PYROXD2: variants seen among roughly 807,000 people sequenced by gnomAD.
PYROXD2 encodes pyridine nucleotide-disulfide oxidoreductase domain-containing protein 2.
In PYROXD2, 69 loss-of-function variants were observed where a neutral mutation model predicts 71.1. The ratio of observed to expected loss-of-function variants is 0.97; its 90% CI spans 0.80 to 1.19. The LOEUF (loss-of-function observed/expected upper bound fraction) is 1.19, where lower values mean the gene tolerates loss of function less well. Among genes scored for constraint, PYROXD2 ranks in the 50% most tolerant of loss-of-function variants. The probability of loss-of-function intolerance (pLI) is 0.00; values close to 1 mark genes in which losing one functional copy is unlikely to be tolerated. For synonymous variants in PYROXD2, 287 were observed against 302.7 expected (o/e 0.95, Z 0.54); for missense variants, 745 against 748.9 (o/e 0.99, Z 0.06).
rs761637573 is a variant in PYROXD2, at chr10:98,392,480, C to G, written c.1014G>C (p.Val338=). 2 of 1,613,904 alleles carry G rather than the reference C, an allele frequency of 1.2e-6. No individual in the cohort carries two copies. The highest frequency in any genetic ancestry group is 1.3e-5 in the African/African-American group (1 of 75,030). Residue 338 remains valine, a synonymous_variant, in exon 10 of 16, where the codon GTG becomes GTC. Coordinates refer to ENST00000370575, the MANE Select transcript of PYROXD2 (RefSeq NM_032709.3). ...TGATCTGCGGTGATGTGTTGGACAG[C>G]ACCATTTTGCTTCTCACCTCTGTGC... ...EDGTEVRSKM[V]LSNTSPQITF...
Position 98,393,028 on chromosome 10 carries a change from C to CCCAGGCCCCCTGCATTCCCT in PYROXD2, c.821_840dup (p.Gly281ArgfsTer43), listed in dbSNP as rs1843002665. The CCCAGGCCCCCTGCATTCCCT allele has an allele frequency of 2.5e-6, 4 of 1,608,094 alleles. No homozygotes were observed. The highest frequency in any genetic ancestry group is 3.4e-6 in the Non-Finnish European group (4 of 1,176,502). ...GCACCCATGCCCCCCTGGACGTAGC[C>CCCAGGCCCCCTGCATTCCCT]CCAGGCCCCCTGCATTCCCTCCAGG... On this transcript the variant is annotated frameshift_variant, in exon 9 of 16. Transcript: ENST00000370575. LOFTEE classifies it high-confidence loss of function.
chr10:98,404,104 C>T (rs879607695), intron 4 of PYROXD2, among the ~76,000 whole-genome samples: 3 of 152,174 alleles, frequency 2.0e-5, no homozygotes, highest in Admixed American at 6.5e-5. Context: ...TTAAGCTCAA[C>T]CTAAAGGTTT....
chr10:98,398,596 G>GC (rs1388956427), intron 5 of PYROXD2, among the ~76,000 whole-genome samples: 2 of 152,224 alleles, frequency 1.3e-5, no homozygotes, highest in Non-Finnish European at 2.9e-5. Flanking sequence ...TAATATGACA[G>GC]CATGGAAAGA....
At chr10:98,413,286 G>A (rs1408854249) in intron 1 of PYROXD2, among the ~76,000 whole-genome samples, 2 of 152,224 alleles carry the variant, frequency 1.3e-5, no homozygotes, top group Non-Finnish European at 2.9e-5. Context: ...TTAAGAAAGT[G>A]ATGGGAAAAT....
intron 1 of PYROXD2, among the ~76,000 whole-genome samples, chr10:98,413,148 G>C (rs942529743): frequency 1.3e-5 from 2 of 152,120 alleles, no homozygotes; most frequent in African/African-American, 4.8e-5. Flanking sequence ...TGTGCTACTG[G>C]GTATCTCTCC....
chr10:98,411,902 G>C (rs1843801522), intron 1 of PYROXD2: 1 of 152,218 alleles, frequency 6.6e-6, no homozygotes, highest in African/African-American at 2.4e-5. Flanking sequence ...ATGGGCTTTT[G>C]AAAATGTTCA....
At chr10:98,393,559 C>G (rs1053381587) in intron 8 of PYROXD2, among the ~76,000 whole-genome samples, 1 of 152,160 alleles carries the variant, frequency 6.6e-6, no homozygotes, top group Non-Finnish European at 1.5e-5. Flanking sequence ...CCATCTACAT[C>G]CACAAAGCAA....
At chr10:98,388,213 T>C (rs537308861) in intron 13 of PYROXD2, 141 bp downstream of exon 13, 3 of 802,174 alleles carry the variant, frequency 3.7e-6, no homozygotes, top group African/African-American at 1.7e-5. Context: ...CTATGTTGAC[T>C]TGAGGTTCCC....
chr10:98,389,580 TG>T (rs1289044866), intron 12 of PYROXD2, among the ~76,000 whole-genome samples: 1 of 152,192 alleles, frequency 6.6e-6, no homozygotes, highest in African/African-American at 2.4e-5. Context: ...CTCGTCCCTG[TG>T]CCTCCTATAC....
At chr10:98,401,356 G>C (rs1467041565) in intron 4 of PYROXD2, among the ~76,000 whole-genome samples, 1 of 151,990 alleles carries the variant, frequency 6.6e-6, no homozygotes. Flanking sequence ...ATGATGAATG[G>C]AGCCTACAGG....
intron 2 of PYROXD2, among the ~76,000 whole-genome samples, chr10:98,409,656 C>T (rs1843722553): frequency 6.6e-6 from 1 of 152,216 alleles, no homozygotes; most frequent in Non-Finnish European, 1.5e-5. Flanking sequence ...AGCAAATGAT[C>T]TATTACCTTC....
chr10:98,412,398 G>A (rs753539263), intron 1 of PYROXD2, among the ~76,000 whole-genome samples: 1 of 152,150 alleles, frequency 6.6e-6, no homozygotes, highest in African/African-American at 2.4e-5. Context: ...CCCATAGCAG[G>A]CGCCTGGGCC....
intron 15 of PYROXD2, 87 bp from the exon 16 acceptor site, chr10:98,383,955 C>CA: frequency 1.7e-6 from 2 of 1,206,332 alleles, no homozygotes; most frequent in South Asian, 2.4e-5. Flanking sequence ...GATCCAGCAA[C>CA]AAAGCAGAGT....
At position 98,390,669 on chromosome 10, in the gene PYROXD2, G is replaced by A. The variant is rs1396078657; in HGVS notation, c.1221C>T (p.His407=). 6.8e-6 allele frequency: 11 copies of A among 1,613,268 alleles called. No homozygotes were observed. The highest frequency in any genetic ancestry group is 9.3e-6 in the Non-Finnish European group (11 of 1,179,578). Residue 407 remains histidine (H), a synonymous_variant, in exon 12 of 16, where the codon CAC becomes CAT. Transcript: ENST00000370575. ...QPLPHHQCSI[H]LNCEDTLLLH... ...GGAGGAGGGTGTCTTCACAGTTCAG[G>A]TGGATGGAGCATTGGTGATGGGGCA...
chr10:98,400,227 G>GA lies in PYROXD2; in HGVS notation c.345_346insT (p.Pro116SerfsTer48), dbSNP rs764705923. The GA allele has an allele frequency of 4.7e-5, 76 of 1,611,926 alleles. No homozygotes were observed. The highest frequency in any genetic ancestry group is 6.3e-5 in the Non-Finnish European group (74 of 1,178,864). ...TCCAGCATGGGGGTGAAGGAGTAGG[G>GA]GTTTCGAAGATGAAGCCTCAGCCCA... On this transcript the variant is annotated frameshift_variant, in exon 5 of 16. Coordinates refer to ENST00000370575, the MANE Select transcript of PYROXD2 (RefSeq NM_032709.3). LOFTEE classifies it high-confidence loss of function.
chr10:98,397,247 C>G (rs1843219348), intron 6 of PYROXD2, 98 bp downstream of exon 6: 5 of 1,439,750 alleles, frequency 3.5e-6, no homozygotes, highest in Non-Finnish European at 4.6e-6. Context: ...AGCTGGCAGG[C>G]TGCCATGGAG....
chr10:98,400,079 C>T (rs1439705469), intron 5 of PYROXD2, 23 bp downstream of exon 5: 11 of 1,608,794 alleles, frequency 6.8e-6, no homozygotes, highest in East Asian at 2.2e-5. Context: ...AGCAGGAGCT[C>T]AGTCACTGGT....
chr10:98,401,273 A>AAAAAAAAAAAAAAAAC lies in PYROXD2; in HGVS notation c.316-1017_316-1016insGTTTTTTTTTTTTTTT, dbSNP rs149519972. Among the ~76,000 whole-genome samples, 18 of 121,686 alleles carry AAAAAAAAAAAAAAAAC rather than the reference A, an allele frequency of 1.5e-4. 4 individuals carry two copies. The highest frequency in any genetic ancestry group is 6.6e-4 in the African/African-American group (18 of 27,400). 79.8% of individuals were successfully genotyped at this position (121,686 alleles called of 152,430 possible). A position where few individuals can be genotyped will look rare whatever the true frequency, so the allele number is the denominator to read the frequency against. ...TGTCTCAAAAAAAAAAAAACAAAAA[A>AAAAAAAAAAAAAAAAC]AAACAAACATAGAAAAGGTACATTA... On this transcript the variant is annotated intron_variant, in intron 4 of 15. Transcript: ENST00000370575.
chr10:98,408,128 C>T (rs996220155), intron 2 of PYROXD2, 131 bp from the exon 3 acceptor site: 9 of 741,742 alleles, frequency 1.2e-5, no homozygotes, highest in African/African-American at 1.8e-5. Flanking sequence ...CTCCCTGCCC[C>T]GCTCATGCTG....
Sources: gnomAD v4.1 joint callset for allele counts (sites outside exome capture counted in the v4.1 genomes callset) on GRCh38, gnomAD v4.1.1 for gene constraint, MANE v1.5 for transcripts, NCBI Gene and HGNC (gene_info 2026-07-23, HGNC 2026-07-21) for gene names.